Variants in TNRC6A observed in about 807,000 individuals in gnomAD.
TNRC6A encodes trinucleotide repeat containing adaptor 6A.
In TNRC6A, 44 loss-of-function variants were observed where a neutral mutation model predicts 221.2. The observed-to-expected ratio is 0.20, with a 90% CI of 0.16 to 0.26. The LOEUF (loss-of-function observed/expected upper bound fraction) is 0.26, where lower values mean the gene tolerates loss of function less well. Among genes scored for constraint, TNRC6A ranks in the 10% least tolerant of loss-of-function variants. The pLI is 1.00. For missense variants in TNRC6A, 2,199 were observed against 2,404.4 expected, an observed-to-expected ratio of 0.91 and a Z score of 1.79; for synonymous variants, 847 against 838.5, an observed-to-expected ratio of 1.01 and a Z score of -0.18.
intron 2 of TNRC6A, among the ~76,000 whole-genome samples, chr16:24,658,782 T>A (rs2054969962): frequency 6.6e-6 from 1 of 152,076 alleles, no homozygotes; most frequent in African/African-American, 2.4e-5. Flanking sequence ...CATTAATTAA[T>A]TCTATTTTTT....
intron 2 of TNRC6A, among the ~76,000 whole-genome samples, chr16:24,669,226 G>A (rs1301432144): frequency 6.6e-6 from 1 of 152,004 alleles, no homozygotes; most frequent in African/African-American, 2.4e-5. Context: ...AAATCCTGGC[G>A]GGGCATTCAC....
At chr16:24,815,687 C>G (rs1034942492) in intron 19 of TNRC6A, 6 of 209,068 alleles carry the variant, frequency 2.9e-5, no homozygotes, top group Non-Finnish European at 4.9e-5. Flanking sequence ...AACCCCGTCT[C>G]TACTAAAACT....
Position 24,748,815 on chromosome 16 carries a change from A to T in TNRC6A, c.54-1911A>T, listed in dbSNP as rs1219169319. 3.3e-5 allele frequency among the ~76,000 whole-genome samples: 5 copies of T among 152,274 alleles called. No homozygotes were observed. The East Asian group carries it at 7.7e-4, about 24-fold the overall frequency. ...TACTGCCATATGCATTCCAGCCTTG[A>T]TAAATAATGTGCAGCTTCCAAAATG... On this transcript the variant is annotated intron_variant, in intron 2 of 24. Transcript: ENST00000395799.
intron 2 of TNRC6A, among the ~76,000 whole-genome samples, chr16:24,745,325 T>G (rs2056981404): frequency 6.6e-6 from 1 of 152,148 alleles, no homozygotes; most frequent in Non-Finnish European, 1.5e-5. Flanking sequence ...TCCTGTTGTG[T>G]AGTGCTAGAC....
chr16:24,713,452 A>ACAAAC (rs1555493092), intron 2 of TNRC6A, among the ~76,000 whole-genome samples: 23 of 135,820 alleles, frequency 1.7e-4, no homozygotes, highest in African/African-American at 6.1e-4. Flanking sequence ...AAACAAACAA[A>ACAAAC]AAAATATATA....
rs1555495648 is a variant in TNRC6A, at chr16:24,729,687, G to GCGGTGT, written c.-152_-151insTGTCGG. ...GGGGCCTGCGGCGGCGGCGGTGTCG[G>GCGGTGT]CGGCGGCGGCGGCGGCGGCGGCGGC... On this transcript the variant is annotated 5_prime_UTR_variant, in exon 1 of 25. Transcript: ENST00000395799. 1.4e-3 allele frequency: 373 copies of GCGGTGT among 266,238 alleles called. 1 individual carries two copies. Among genetic ancestry groups the GCGGTGT allele is most frequent in the Non-Finnish European group, 1.7e-3 (296 of 178,584 alleles). 16.5% of individuals were successfully genotyped at this position (266,238 alleles called of 1,614,324 possible). A position where few individuals can be genotyped will look rare whatever the true frequency, so the allele number is the denominator to read the frequency against.
rs2058082160 is a variant in TNRC6A at position 24,790,789 on chromosome 16, G to A, written c.2147G>A (p.Arg716His). ...SIVNRTDLDP[R>H]VLSNSGWGQT... ...GTAAACAGAACTGACTTAGATCCAC[G>A]TGTCCTGTCCAACTCTGGTTGGGGA... Residue 716 changes from arginine to histidine, a missense_variant, in exon 6 of 25, where the codon CGT becomes CAT. By Grantham distance (29) the Arg-to-His change is conservative. Coordinates refer to ENST00000395799, the MANE Select transcript of TNRC6A (RefSeq NM_014494.4). The A allele has an allele frequency of 3.7e-6, 6 of 1,614,102 alleles. No individual in the cohort carries two copies. The highest frequency in any genetic ancestry group is 5.1e-6 in the Non-Finnish European group (6 of 1,180,028).
At chr16:24,672,843 A>T (rs1360342118) in intron 2 of TNRC6A, among the ~76,000 whole-genome samples, 1 of 151,742 alleles carries the variant, frequency 6.6e-6, no homozygotes, top group Non-Finnish European at 1.5e-5. Context: ...GCATGTATTT[A>T]CATATAAATA....
intron 1 of TNRC6A, among the ~76,000 whole-genome samples, chr16:24,622,173 A>G (rs188183674): frequency 1.3e-5 from 2 of 152,236 alleles, no homozygotes; most frequent in Admixed American, 6.5e-5. Context: ...TAATCCCAAC[A>G]CTTTGAGAGG....
At chr16:24,786,709 G>A (rs1253131315) in intron 5 of TNRC6A, among the ~76,000 whole-genome samples, 1 of 150,804 alleles carries the variant, frequency 6.6e-6, no homozygotes, top group African/African-American at 2.4e-5. Flanking sequence ...TTGAGATGGA[G>A]TCTCACTCTG....
At position 24,750,130 on chromosome 16, in the gene TNRC6A, ACT is replaced by A. The variant is rs528453321; in HGVS notation, c.54-593_54-592del. Among the ~76,000 whole-genome samples, 41 of 152,262 alleles carry A rather than the reference ACT, an allele frequency of 2.7e-4. 1 individual carries two copies. The highest frequency in any genetic ancestry group is 2.4e-3 in the Admixed American group (37 of 15,300). On this transcript the variant is annotated intron_variant, in intron 2 of 24. Transcript: ENST00000395799. ...ATTCCAGCCTGGGTGACAGAGCAAG[ACT>A]CTGTCTCAGAACAAACAAGAGTACG...
At chr16:24,636,916 TCACATCTATATTCATGG>T (rs1356634730) in intron 1 of TNRC6A, among the ~76,000 whole-genome samples, 2 of 152,234 alleles carry the variant, frequency 1.3e-5, no homozygotes, top group Non-Finnish European at 2.9e-5. Flanking sequence ...TGTAGAATTT[TCACATCTATATTCATGG>T]CTGTGGTATA....
intron 2 of TNRC6A, among the ~76,000 whole-genome samples, chr16:24,686,830 C>A (rs980746538): frequency 3.3e-5 from 5 of 152,104 alleles, no homozygotes; most frequent in Non-Finnish European, 5.9e-5. Context: ...CTCCTAAACC[C>A]CCTGGCCTTA....
In TNRC6A at chr16:24,809,560, T is replaced by C. The variant is rs1003072983; in HGVS notation, c.4672+79T>C. 2.2e-6 allele frequency: 3 copies of C among 1,373,158 alleles called. No homozygotes were observed. In the African/African-American group the frequency reaches 4.4e-5, roughly 20 times the overall value. 85.1% of individuals were successfully genotyped at this position (1,373,158 alleles called of 1,614,324 possible). On this transcript the variant is annotated intron_variant, in intron 18 of 24. Coordinates refer to ENST00000395799, the MANE Select transcript of TNRC6A (RefSeq NM_014494.4). ...ATACTAGATTTAGGCCTTTATTTTA[T>C]TTTAAATGTGTTTTCAAAGCCAAAT...
At chr16:24,763,685 T>A (rs1221742910) in intron 4 of TNRC6A, among the ~76,000 whole-genome samples, 2 of 152,210 alleles carry the variant, frequency 1.3e-5, no homozygotes, top group African/African-American at 2.4e-5. Context: ...TACCCTGTTT[T>A]ATGCAATGTT....
intron 4 of TNRC6A, among the ~76,000 whole-genome samples, chr16:24,774,664 T>C (rs1341436751): frequency 6.6e-6 from 1 of 152,232 alleles, no homozygotes; most frequent in East Asian, 1.9e-4. Flanking sequence ...GATGTTCAAT[T>C]GCCAGATGCC....
chr16:24,657,664 G>T (rs1029215332), intron 2 of TNRC6A, among the ~76,000 whole-genome samples: 1 of 149,038 alleles, frequency 6.7e-6, no homozygotes, highest in Non-Finnish European at 1.5e-5. Flanking sequence ...AGCTGAGATC[G>T]TGCCACTGCA....
intron 2 of TNRC6A, among the ~76,000 whole-genome samples, chr16:24,671,995 GA>G (rs1281199192): frequency 6.6e-6 from 1 of 152,140 alleles, no homozygotes; most frequent in African/African-American, 2.4e-5. Context: ...AAAGACATTT[GA>G]GGGACAGTTG....
rs145275503 is a variant in TNRC6A at position 24,813,923 on chromosome 16, G to A, written c.4673-1224G>A. On this transcript the variant is annotated intron_variant, in intron 18 of 24. Coordinates refer to ENST00000395799, the MANE Select transcript of TNRC6A (RefSeq NM_014494.4). ...TCTCAGGTGTAAGAATTAATCACTT[G>A]AAATGTGGCAGTTATGCTTTCCTCA... 8.8e-3 allele frequency among the ~76,000 whole-genome samples: 1,338 copies of A among 152,324 alleles called. 24 individuals carry two copies. The highest frequency in any genetic ancestry group is 0.031 in the African/African-American group (1,271 of 41,566).
Sources: gnomAD v4.1 joint callset for allele counts (sites outside exome capture counted in the v4.1 genomes callset) on GRCh38, gnomAD v4.1.1 for gene constraint, MANE v1.5 for transcripts, NCBI Gene and HGNC (gene_info 2026-07-23, HGNC 2026-07-21) for gene names.